The following BTBD16 variants were observed in gnomAD, a reference collection of about 807,000 sequenced individuals.
BTBD16 encodes the protein BTB domain containing 16.
A neutral mutation model predicts 67.4 loss-of-function variants in BTBD16; 66 were observed. The ratio of observed to expected loss-of-function variants is 0.98; its 90% CI spans 0.80 to 1.20. BTBD16 has a LOEUF of 1.20. Ranked by LOEUF, BTBD16 falls within the 50% of genes most tolerant of loss-of-function variation. The pLI, the probability that BTBD16 is intolerant of heterozygous loss-of-function variation, is 0.00. For synonymous variants in BTBD16, 242 were observed against 236.4 expected (o/e 1.02, Z -0.22); for missense variants, 634 against 616.0 (o/e 1.03, Z -0.31).
intron 9 of BTBD16, among the ~76,000 whole-genome samples, chr10:122,306,948 G>T (rs2096404751): frequency 6.6e-6 from 1 of 152,140 alleles, no homozygotes; most frequent in South Asian, 2.1e-4. Context: ...GTTTTGCGGG[G>T]CACAGAGGGT....
At chr10:122,308,328 C>T (rs990296135) in intron 10 of BTBD16, among the ~76,000 whole-genome samples, 1 of 152,200 alleles carries the variant, frequency 6.6e-6, no homozygotes. Context: ...CAGCTCTTCC[C>T]TGGAGTGGCA....
At chr10:122,285,997 A>G (rs2096362903) in intron 4 of BTBD16, 108 bp from the exon 5 acceptor site, 2 of 1,111,880 alleles carry the variant, frequency 1.8e-6, no homozygotes, top group African/African-American at 1.6e-5. Context: ...TGCCTGCTTC[A>G]TGTGCTTAAT....
At chr10:122,305,029 G>A (rs1356730386) in intron 9 of BTBD16, among the ~76,000 whole-genome samples, 1 of 152,202 alleles carries the variant, frequency 6.6e-6, no homozygotes, top group Admixed American at 6.5e-5. Context: ...TATGCAGTCA[G>A]TAGAATGATG....
chr10:122,329,424 A>G lies in BTBD16; in HGVS notation c.912-56A>G, dbSNP rs201307360. 9 of 1,556,224 alleles carry G rather than the reference A, an allele frequency of 5.8e-6. No homozygotes were observed. The East Asian group carries it at 2.0e-4, about 35-fold the overall frequency. On this transcript the variant is annotated intron_variant, in intron 10 of 15. Coordinates refer to ENST00000260723, the MANE Select transcript of BTBD16 (RefSeq NM_144587.5). The stretch of plus-strand genomic sequence containing the variant: ...AACATGGCTTTCCCTAGCCCGAGCT[A>G]ATTCCAGAGAGGAGTTTGCTGAAGG...
At chr10:122,273,952 T>C (rs2096334798) in intron 1 of BTBD16, among the ~76,000 whole-genome samples, 2 of 152,228 alleles carry the variant, frequency 1.3e-5, no homozygotes, top group African/African-American at 2.4e-5. Flanking sequence ...TTTTGCTCAC[T>C]GCTGTCTCTC....
At chr10:122,324,115 C>T (rs867579923) in intron 10 of BTBD16, among the ~76,000 whole-genome samples, 1 of 152,210 alleles carries the variant, frequency 6.6e-6, no homozygotes, top group Non-Finnish European at 1.5e-5. Flanking sequence ...CTGTGCCCTA[C>T]CCAAATCTGA....
Position 122,291,138 on chromosome 10 carries a change from C to T in BTBD16, c.534C>T (p.Asp178=), listed in dbSNP as rs764669031. 5.0e-6 allele frequency: 8 copies of T among 1,613,612 alleles called. No homozygotes were observed. The Admixed American group carries it at 1.3e-4, about 27-fold the overall frequency. Residue 178 remains aspartate (D), a synonymous_variant, in exon 7 of 16, where the codon GAC becomes GAT. Coordinates refer to ENST00000260723, the MANE Select transcript of BTBD16 (RefSeq NM_144587.5). ...GTGAGGTGGAGATTAACTTGGAAGA[C>T]CTACTGGGAGTGCTGGCTTCCGCCC... The part of the protein sequence containing the change: ...YMSEVEINLE[D]LLGVLASAHI...
intron 10 of BTBD16, among the ~76,000 whole-genome samples, chr10:122,327,743 C>T (rs934687818): frequency 1.3e-5 from 2 of 152,242 alleles, no homozygotes; most frequent in Non-Finnish European, 2.9e-5. Context: ...TCCAGAGAGG[C>T]CCTGGCTGAA....
intron 2 of BTBD16, 68 bp downstream of exon 2, chr10:122,275,167 A>T (rs979306019): frequency 6.7e-7 from 1 of 1,500,890 alleles, no homozygotes; most frequent in Non-Finnish European, 9.3e-7. Flanking sequence ...CATTTTGACA[A>T]ATTTCCACAA....
At chr10:122,282,153 T>C (rs945361167) in intron 3 of BTBD16, among the ~76,000 whole-genome samples, 5 of 152,174 alleles carry the variant, frequency 3.3e-5, no homozygotes, top group African/African-American at 7.2e-5. Flanking sequence ...ATGACACTGA[T>C]GTTTGTGAGA....
intron 10 of BTBD16, among the ~76,000 whole-genome samples, chr10:122,308,475 T>G (rs188101155): frequency 6.6e-6 from 1 of 152,338 alleles, no homozygotes; most frequent in East Asian, 1.9e-4. Context: ...GGAAACCATT[T>G]GCTTCTTTCC....
chr10:122,280,682 A>G (rs1210381206), intron 3 of BTBD16, among the ~76,000 whole-genome samples: 1 of 152,054 alleles, frequency 6.6e-6, no homozygotes, highest in Non-Finnish European at 1.5e-5. Context: ...AACCTAAATA[A>G]CAAACAGAGA....
intron 10 of BTBD16, 63 bp from the exon 11 acceptor site, chr10:122,329,417 C>T (rs2096451104): frequency 2.0e-6 from 3 of 1,527,698 alleles, no homozygotes; most frequent in Non-Finnish European, 1.8e-6. Flanking sequence ...TTTCCCTAGC[C>T]CGAGCTAATT....
chr10:122,304,796 G>A (rs569564242), intron 9 of BTBD16, among the ~76,000 whole-genome samples: 45 of 152,088 alleles, frequency 3.0e-4, no homozygotes, highest in Admixed American at 9.2e-4. Flanking sequence ...CTCGTGATCT[G>A]CCCGCCTCGG....
At chr10:122,313,255 CTGTTTTTTTTTTTT>C (rs1201277415) in intron 10 of BTBD16, among the ~76,000 whole-genome samples, 1 of 98,480 alleles carries the variant, frequency 1.0e-5, no homozygotes, top group African/African-American at 5.6e-5. Context: ...ATAGTTAGTG[CTGTTTTTTTTTTTT>C]TGTTTTTTTT....
At chr10:122,295,168 G>A (rs999009001) in intron 7 of BTBD16, among the ~76,000 whole-genome samples, 10 of 152,224 alleles carry the variant, frequency 6.6e-5, no homozygotes, top group Admixed American at 6.5e-4. Flanking sequence ...CATGGGAGGT[G>A]GAGGGAGGTA....
At chr10:122,336,805 C>T in intron 15 of BTBD16, 123 bp downstream of exon 15, 1 of 855,218 alleles carries the variant, frequency 1.2e-6, no homozygotes. Flanking sequence ...AAATCTGGCT[C>T]AGTTTCTTAA....
chr10:122,290,105 G>T lies in BTBD16; in HGVS notation c.475+107G>T, dbSNP rs191738031. The T allele has an allele frequency of 1.7e-3, 1,238 of 742,784 alleles. 3 individuals carry two copies. The highest frequency in any genetic ancestry group is 2.1e-3 in the Non-Finnish European group (917 of 442,610). The allele number at this position is 742,784 out of a possible 1,614,324, so 46.0% of individuals were successfully genotyped here. On this transcript the variant is annotated intron_variant, in intron 6 of 15. Transcript: ENST00000260723. ...AAGCAAAACAAACCAACAGTAGACA[G>T]TGTTCAGTGCTTTCTTATTAAAAAG... is the stretch of plus-strand genomic sequence containing the variant.
chr10:122,273,288 CAT>C (rs2096333348), intron 1 of BTBD16, among the ~76,000 whole-genome samples: 1 of 144,276 alleles, frequency 6.9e-6, no homozygotes, highest in Non-Finnish European at 1.5e-5. Context: ...ATATAGGTAA[CAT>C]GTATAGATAT....
Sources: gnomAD v4.1 joint callset for allele counts (sites outside exome capture counted in the v4.1 genomes callset) on GRCh38, gnomAD v4.1.1 for gene constraint, MANE v1.5 for transcripts, NCBI Gene and HGNC (gene_info 2026-07-23, HGNC 2026-07-21) for gene names.